ANO2: variants seen among roughly 807,000 people sequenced by gnomAD.
The protein encoded by ANO2 is anoctamin-2.
In ANO2, 101 loss-of-function variants were observed where a neutral mutation model predicts 124.2. The observed-to-expected ratio is 0.81, with a 90% CI of 0.69 to 0.96. ANO2 has a LOEUF of 0.96. Ranked by LOEUF, ANO2 falls within the 40% of genes least tolerant of loss-of-function variation. The pLI, the probability that ANO2 is intolerant of heterozygous loss-of-function variation, is 0.00. For missense variants in ANO2, 1,293 were observed against 1,274.5 expected (o/e 1.01, Z -0.22); for synonymous variants, 486 against 482.5 (o/e 1.01, Z -0.09).
chr12:5,563,692 C>A, intron 24 of ANO2, 124 bp from the exon 25 acceptor site: 1 of 1,257,512 alleles, frequency 8.0e-7, no homozygotes, highest in South Asian at 1.4e-5. Context: ...GTGATCGCAA[C>A]CAGTGAGCAT....
Position 5,697,216 on chromosome 12 carries a change from AAGATCAGG to A in ANO2, c.1545+35296_1545+35303del, listed in dbSNP as rs375471562. ...TGGGAGGCCGAGGCAGGCAGATCACAAGATCAGGAGATCAAGACCATCCTGGCCAACAT... is the reference window on the plus strand; with the variant it reads ...TGGGAGGCCGAGGCAGGCAGATCACAAGATCAAGACCATCCTGGCCAACAT... On this transcript the variant is annotated intron_variant, in intron 14 of 24. Coordinates refer to ENST00000682330, the MANE Select transcript of ANO2 (RefSeq NM_001364791.2). Among the ~76,000 whole-genome samples the A allele has an allele frequency of 2.3e-3, 343 of 152,226 alleles. 2 individuals carry two copies. Among genetic ancestry groups the A allele is most frequent in the African/African-American group, 7.3e-3 (303 of 41,538 alleles).
At chr12:5,884,339 C>T (rs1938732102) in intron 3 of ANO2, among the ~76,000 whole-genome samples, 1 of 152,210 alleles carries the variant, frequency 6.6e-6, no homozygotes, top group Non-Finnish European at 1.5e-5. Context: ...ACCTGGCCAG[C>T]CTCAGATGTG....
intron 14 of ANO2, among the ~76,000 whole-genome samples, chr12:5,711,123 A>G (rs1198762041): frequency 6.7e-6 from 1 of 149,688 alleles, no homozygotes; most frequent in East Asian, 2.0e-4. Flanking sequence ...GCGCCACTGT[A>G]CTCCAGCCTG....
intron 10 of ANO2, among the ~76,000 whole-genome samples, chr12:5,795,753 G>A (rs1317505003): frequency 1.3e-5 from 2 of 152,154 alleles, no homozygotes; most frequent in East Asian, 3.8e-4. Flanking sequence ...ATTAACTTTA[G>A]TAAAAAGACA....
intron 3 of ANO2, among the ~76,000 whole-genome samples, chr12:5,863,274 G>A (rs1473804766): frequency 6.6e-6 from 1 of 152,316 alleles, no homozygotes; most frequent in East Asian, 1.9e-4. Context: ...ACGGCACCTT[G>A]AAAGACCTAA....
intron 14 of ANO2, among the ~76,000 whole-genome samples, chr12:5,683,587 C>T (rs925345518): frequency 5.3e-5 from 8 of 152,152 alleles, no homozygotes; most frequent in African/African-American, 1.7e-4. Context: ...CACATCCAGT[C>T]TCATGCCACA....
intron 11 of ANO2, among the ~76,000 whole-genome samples, chr12:5,745,918 T>C (rs562658089): frequency 1.6e-4 from 24 of 152,318 alleles, no homozygotes; most frequent in African/African-American, 5.5e-4. Context: ...GTTTGCTATG[T>C]AGTTGAGAAG....
At chr12:5,755,796 A>G (rs1384168116) in intron 10 of ANO2, among the ~76,000 whole-genome samples, 2 of 152,128 alleles carry the variant, frequency 1.3e-5, no homozygotes, top group Non-Finnish European at 2.9e-5. Context: ...TTCTTAATCC[A>G]GTCCATCAAA....
chr12:5,563,012 C>T lies in ANO2; in HGVS notation c.*287G>A, dbSNP rs1260941313. ...ATGGGAATGCTCGCGGTGCCTGAGA[C>T]TCTGGGGTGGAGAGACCCCAGTGGG... On this transcript the variant is annotated 3_prime_UTR_variant, in exon 25 of 25. Transcript: ENST00000682330. 2.3e-6 allele frequency: 1 copy of T among 436,676 alleles called. No individual in the cohort carries two copies. The highest frequency in any genetic ancestry group is 2.0e-5 in the African/African-American group (1 of 50,832). 27.1% of individuals were successfully genotyped at this position (436,676 alleles called of 1,614,324 possible). A position where few individuals can be genotyped will look rare whatever the true frequency, so the allele number is the denominator to read the frequency against.
chr12:5,669,300 C>A (rs1349315311), intron 14 of ANO2, among the ~76,000 whole-genome samples: 1 of 151,906 alleles, frequency 6.6e-6, no homozygotes, highest in Non-Finnish European at 1.5e-5. Context: ...CTCTTTGTAG[C>A]AATCGTGAAT....
intron 3 of ANO2, among the ~76,000 whole-genome samples, chr12:5,868,870 A>G (rs1330876494): frequency 1.4e-5 from 2 of 139,514 alleles, no homozygotes; most frequent in African/African-American, 6.8e-5. Flanking sequence ...ACAGCACCAG[A>G]GAGGACAGGG....
chr12:5,626,979 G>A (rs3825279), intron 16 of ANO2, among the ~76,000 whole-genome samples: 4,800 of 152,276 alleles, frequency 0.032, 168 homozygotes, highest in East Asian at 0.16. Context: ...GAAGAGATGA[G>A]TGCTGCAAGG....
At chr12:5,837,325 T>C (rs1317261700) in intron 4 of ANO2, among the ~76,000 whole-genome samples, 5 of 16,590 alleles carry the variant, frequency 3.0e-4, no homozygotes, top group Non-Finnish European at 1.0e-3. Context: ...GATTCCTGCC[T>C]TTTTTTTTTT....
intron 3 of ANO2, among the ~76,000 whole-genome samples, chr12:5,871,369 C>T (rs572191819): frequency 6.6e-6 from 1 of 152,328 alleles, no homozygotes; most frequent in South Asian, 2.1e-4. Flanking sequence ...GGACACCTCA[C>T]ACAGTGTCCA....
At chr12:5,914,325 T>C (rs1941251322) in intron 3 of ANO2, among the ~76,000 whole-genome samples, 1 of 152,192 alleles carries the variant, frequency 6.6e-6, no homozygotes, top group African/African-American at 2.4e-5. Flanking sequence ...GACTCAGTGC[T>C]GCAATTCAGG....
At chr12:5,660,622 T>C (rs576435155) in intron 14 of ANO2, among the ~76,000 whole-genome samples, 46 of 152,008 alleles carry the variant, frequency 3.0e-4, no homozygotes, top group Non-Finnish European at 6.5e-4. Flanking sequence ...TCCAAAGTGA[T>C]CTTGTTTATT....
chr12:5,940,618 T>C (rs12580835), intron 1 of ANO2, among the ~76,000 whole-genome samples: 51,713 of 152,064 alleles, frequency 0.34, 11,034 homozygotes, highest in East Asian at 0.79. Context: ...AGATGAATAA[T>C]AACAACTGCT....
chr12:5,750,589 C>A (rs1421416849), intron 11 of ANO2, among the ~76,000 whole-genome samples: 1 of 152,228 alleles, frequency 6.6e-6, no homozygotes, highest in Non-Finnish European at 1.5e-5. Flanking sequence ...TCAGACACAT[C>A]CCCCTGCCCT....
intron 9 of ANO2, among the ~76,000 whole-genome samples, chr12:5,800,527 C>T (rs1243279791): frequency 6.6e-6 from 1 of 152,186 alleles, no homozygotes; most frequent in African/African-American, 2.4e-5. Context: ...TGATGGCTTG[C>T]ACCATGGGGG....
Sources: gnomAD v4.1 joint callset for allele counts (sites outside exome capture counted in the v4.1 genomes callset) on GRCh38, gnomAD v4.1.1 for gene constraint, MANE v1.5 for transcripts, NCBI Gene and HGNC (gene_info 2026-07-23, HGNC 2026-07-21) for gene names.